EXOC6B: variants seen among roughly 807,000 people sequenced by gnomAD.
EXOC6B encodes the protein SEC15 homolog B.
In EXOC6B, 54 loss-of-function variants were observed where a neutral mutation model predicts 113.5. The ratio of observed to expected loss-of-function variants is 0.48; its 90% CI spans 0.38 to 0.60. The LOEUF is 0.60. Among genes scored for constraint, EXOC6B ranks in the 20% least tolerant of loss-of-function variants. EXOC6B has a pLI of 0.00. For missense variants in EXOC6B, 797 were observed against 977.5 expected (o/e 0.82, Z 2.46); for synonymous variants, 357 against 339.0 (o/e 1.05, Z -0.58).
chr2:72,774,756 T>A (rs1198586277), intron 1 of EXOC6B, among the ~76,000 whole-genome samples: 1 of 152,142 alleles, frequency 6.6e-6, no homozygotes, highest in Non-Finnish European at 1.5e-5. Flanking sequence ...TCTCACACTA[T>A]CTGCTGGAGT....
chr2:72,499,168 G>C (rs1700194118), intron 12 of EXOC6B, among the ~76,000 whole-genome samples: 1 of 151,328 alleles, frequency 6.6e-6, no homozygotes, highest in East Asian at 1.9e-4. Context: ...AAAAGACCTA[G>C]TTCCTAGGAA....
chr2:72,223,480 C>T (rs1008478648), intron 20 of EXOC6B, among the ~76,000 whole-genome samples: 1 of 152,118 alleles, frequency 6.6e-6, no homozygotes, highest in East Asian at 1.9e-4. Flanking sequence ...GATTACTATC[C>T]TGTTAAGATT....
At chr2:72,739,212 T>C (rs1681151242) in intron 2 of EXOC6B, among the ~76,000 whole-genome samples, 1 of 152,216 alleles carries the variant, frequency 6.6e-6, no homozygotes, top group African/African-American at 2.4e-5. Flanking sequence ...AAACATCATA[T>C]GAACATCCTT....
At chr2:72,395,583 T>C (rs897911543) in intron 18 of EXOC6B, among the ~76,000 whole-genome samples, 5 of 152,136 alleles carry the variant, frequency 3.3e-5, no homozygotes, top group Admixed American at 3.3e-4. Context: ...AACCTCAATA[T>C]GGGAGAATGG....
intron 18 of EXOC6B, chr2:72,463,832 C>T (rs1317525446): frequency 2.0e-5 from 3 of 152,132 alleles, no homozygotes; most frequent in Non-Finnish European, 4.4e-5. Flanking sequence ...AGCTTATAAA[C>T]AAAAGAATTC....
At chr2:72,581,400 T>G (rs187975918) in intron 6 of EXOC6B, among the ~76,000 whole-genome samples, 1 of 152,340 alleles carries the variant, frequency 6.6e-6, no homozygotes, top group Admixed American at 6.5e-5. Flanking sequence ...TATTTGTATG[T>G]TATTGTCCGT....
intron 1 of EXOC6B, among the ~76,000 whole-genome samples, chr2:72,764,644 G>T (rs1250453167): frequency 6.6e-6 from 1 of 151,948 alleles, no homozygotes; most frequent in Non-Finnish European, 1.5e-5. Context: ...GGGATGACAG[G>T]CATGAGCCAC....
intron 18 of EXOC6B, among the ~76,000 whole-genome samples, chr2:72,415,358 G>A (rs1017966002): frequency 5.3e-5 from 8 of 151,216 alleles, no homozygotes; most frequent in African/African-American, 2.0e-4. Context: ...AAAAAATACA[G>A]TGATTAAAGG....
At chr2:72,278,603 T>G (rs1684941069) in intron 20 of EXOC6B, among the ~76,000 whole-genome samples, 1 of 152,186 alleles carries the variant, frequency 6.6e-6, no homozygotes, top group Non-Finnish European at 1.5e-5. Flanking sequence ...GTCAAAACAC[T>G]GGGACTCAAA....
At position 72,444,813 on chromosome 2, in the gene EXOC6B, C is replaced by A. The variant is rs559134154; in HGVS notation, c.1980+20347G>T. 3.7e-4 allele frequency among the ~76,000 whole-genome samples: 56 copies of A among 152,288 alleles called. 1 individual carries two copies. Among genetic ancestry groups the A allele is most frequent in the African/African-American group, 1.3e-3 (56 of 41,570 alleles). On this transcript the variant is annotated intron_variant, in intron 18 of 21. Transcript: ENST00000272427. ...GGGACCTTGGGCCCAGCACATGAAA[C>A]CATTTTCTCTTCCTAGGCCTCCAGG...
At chr2:72,289,131 T>G (rs1685628379) in intron 20 of EXOC6B, 1 of 253,100 alleles carries the variant, frequency 4.0e-6, no homozygotes, top group South Asian at 5.9e-5. Context: ...TAATACATAT[T>G]TACAAATAAA....
In EXOC6B at chr2:72,459,784, G is replaced by A. The variant is rs1294541633; in HGVS notation, c.1980+5376C>T. ...TCGTGAAAATGGCCATACTGCCCAA[G>A]GTAATTTATAGATTCAATGCCATCC... is the stretch of plus-strand genomic sequence containing the variant. On this transcript the variant is annotated intron_variant, in intron 18 of 21. Transcript: ENST00000272427. Among the ~76,000 whole-genome samples the A allele has an allele frequency of 2.0e-5, 3 of 152,216 alleles. No individual in the cohort carries two copies. In the East Asian group the frequency reaches 5.8e-4, roughly 29 times the overall value.
intron 20 of EXOC6B, among the ~76,000 whole-genome samples, chr2:72,251,079 T>A (rs185685425): frequency 2.7e-4 from 41 of 152,270 alleles, no homozygotes; most frequent in Non-Finnish European, 5.1e-4. Flanking sequence ...CTGCCCCCCT[T>A]GGCCTTTACT....
At chr2:72,580,438 C>T (rs1048145667) in intron 6 of EXOC6B, among the ~76,000 whole-genome samples, 2 of 152,098 alleles carry the variant, frequency 1.3e-5, no homozygotes, top group East Asian at 3.9e-4. Flanking sequence ...CCACCACACC[C>T]GGCCAGGAAT....
At chr2:72,764,262 A>G (rs1682925833) in intron 1 of EXOC6B, among the ~76,000 whole-genome samples, 1 of 151,744 alleles carries the variant, frequency 6.6e-6, no homozygotes, top group Admixed American at 6.6e-5. Flanking sequence ...CTTTTGTAAT[A>G]TAAATAATAT....
At chr2:72,628,233 C>T (rs935691829) in intron 6 of EXOC6B, among the ~76,000 whole-genome samples, 2 of 151,818 alleles carry the variant, frequency 1.3e-5, no homozygotes, top group Non-Finnish European at 2.9e-5. Context: ...CAACAATCCT[C>T]CCACCTCAGC....
At chr2:72,811,827 T>C (rs1430381383) in intron 1 of EXOC6B, among the ~76,000 whole-genome samples, 2 of 152,194 alleles carry the variant, frequency 1.3e-5, no homozygotes, top group East Asian at 3.8e-4. Context: ...TGATGCATTA[T>C]AAGCATTTAA....
At chr2:72,804,482 C>T (rs1054970506) in intron 1 of EXOC6B, among the ~76,000 whole-genome samples, 15 of 152,016 alleles carry the variant, frequency 9.9e-5, no homozygotes, top group South Asian at 4.1e-4. Flanking sequence ...CCTAATGGTG[C>T]AAAACAACAG....
At chr2:72,305,695 T>C (rs1450367188) in intron 20 of EXOC6B, among the ~76,000 whole-genome samples, 1 of 152,156 alleles carries the variant, frequency 6.6e-6, no homozygotes, top group African/African-American at 2.4e-5. Flanking sequence ...GGACTTGTAA[T>C]GATTAAATAG....
Sources: allele counts gnomAD v4.1 joint callset (sites outside exome capture counted in the v4.1 genomes callset), GRCh38; gene constraint gnomAD v4.1.1; transcripts MANE v1.5; gene names NCBI Gene and HGNC (gene_info 2026-07-23, HGNC 2026-07-21).